The following RANBP17 variants were observed in gnomAD, a reference collection of about 807,000 sequenced individuals.
RANBP17 encodes the protein ran-binding protein 17.
In RANBP17, 158 loss-of-function variants were observed where a neutral mutation model predicts 141.2. The ratio of observed to expected loss-of-function variants is 1.12; its 90% CI spans 0.98 to 1.28. RANBP17 has a LOEUF of 1.28. Among genes scored for constraint, RANBP17 ranks in the 50% most tolerant of loss-of-function variants. The probability of loss-of-function intolerance (pLI) is 0.00; values close to 1 mark genes in which losing one functional copy is unlikely to be tolerated. For synonymous variants in RANBP17, 430 were observed against 450.0 expected, an observed-to-expected ratio of 0.96 and a Z score of 0.56; for missense variants, 1,438 against 1,290.7, an observed-to-expected ratio of 1.11 and a Z score of -1.75.
intron 14 of RANBP17, among the ~76,000 whole-genome samples, chr5:171,068,569 TTTGTTGTTGTTG>T (rs35125398): frequency 2.0e-4 from 30 of 149,042 alleles, no homozygotes; most frequent in Middle Eastern, 3.4e-3. Context: ...TTACTTTCCT[TTTGTTGTTGTTG>T]TTGTTGTTGT....
intron 14 of RANBP17, among the ~76,000 whole-genome samples, chr5:171,135,917 A>G (rs1025859822): frequency 6.6e-6 from 1 of 152,210 alleles, no homozygotes; most frequent in Non-Finnish European, 1.5e-5. Flanking sequence ...GCCTGCAATC[A>G]AAGATTAATT....
chr5:170,981,069 C>T (rs1777734352), intron 14 of RANBP17, among the ~76,000 whole-genome samples: 1 of 150,802 alleles, frequency 6.6e-6, no homozygotes, highest in South Asian at 2.2e-4. Context: ...TTTGACTGCC[C>T]TGCTGGATTT....
chr5:171,292,847 A>C (rs1768576308), intron 25 of RANBP17, among the ~76,000 whole-genome samples: 1 of 152,174 alleles, frequency 6.6e-6, no homozygotes, highest in Non-Finnish European at 1.5e-5. Context: ...ATCTTTCTTA[A>C]ATGCAAATCA....
At chr5:171,253,578 T>C (rs1014363399) in intron 24 of RANBP17, among the ~76,000 whole-genome samples, 5 of 152,198 alleles carry the variant, frequency 3.3e-5, no homozygotes, top group African/African-American at 4.8e-5. Context: ...TAGGGAGCAA[T>C]TGGTCAAAAG....
At chr5:171,029,637 A>G (rs775300687) in intron 14 of RANBP17, among the ~76,000 whole-genome samples, 23 of 152,222 alleles carry the variant, frequency 1.5e-4, no homozygotes, top group Middle Eastern at 3.4e-3. Context: ...TGCCTCAGGC[A>G]AGTGGTCATA....
At chr5:170,939,903 T>C (rs1774193058) in intron 12 of RANBP17, among the ~76,000 whole-genome samples, 1 of 152,096 alleles carries the variant, frequency 6.6e-6, no homozygotes. Context: ...GAGTAGAAAC[T>C]GTATGATTGT....
At chr5:171,003,628 G>C (rs1475395628) in intron 14 of RANBP17, among the ~76,000 whole-genome samples, 1 of 152,160 alleles carries the variant, frequency 6.6e-6, no homozygotes, top group Non-Finnish European at 1.5e-5. Flanking sequence ...GTCCTGTTGA[G>C]AAGATTGAAA....
chr5:171,156,882 T>G (rs576470711), intron 14 of RANBP17, among the ~76,000 whole-genome samples: 1 of 152,258 alleles, frequency 6.6e-6, no homozygotes, highest in Non-Finnish European at 1.5e-5. Context: ...AAAACAGTCT[T>G]TTTTTCTCCG....
At chr5:170,872,509 T>C (rs1009042553) in intron 1 of RANBP17, among the ~76,000 whole-genome samples, 1 of 152,168 alleles carries the variant, frequency 6.6e-6, no homozygotes, top group Non-Finnish European at 1.5e-5. Flanking sequence ...ATTTCTTTCT[T>C]TTGCCAGATT....
At chr5:171,269,761 T>G (rs1766975063) in intron 25 of RANBP17, among the ~76,000 whole-genome samples, 1 of 152,224 alleles carries the variant, frequency 6.6e-6, no homozygotes, top group African/African-American at 2.4e-5. Context: ...ATGAACAAGG[T>G]TGCTGCTTTA....
intron 25 of RANBP17, among the ~76,000 whole-genome samples, chr5:171,277,637 G>GTATGTATATGTGTATATATATA (rs1554127913): frequency 9.3e-4 from 53 of 56,918 alleles, no homozygotes; most frequent in Admixed American, 1.6e-3. Context: ...ATATATGTAT[G>GTATGTATATGTGTATATATATA]TATATATATA....
intron 16 of RANBP17, among the ~76,000 whole-genome samples, chr5:171,179,708 T>C (rs1760758182): frequency 6.6e-6 from 1 of 152,224 alleles, no homozygotes; most frequent in Admixed American, 6.5e-5. Flanking sequence ...ATATATCTTA[T>C]AATTGATGGT....
At chr5:170,965,381 G>A (rs1312536012) in intron 13 of RANBP17, among the ~76,000 whole-genome samples, 1 of 151,844 alleles carries the variant, frequency 6.6e-6, no homozygotes, top group Admixed American at 6.6e-5. Flanking sequence ...TTCTTTTGCT[G>A]TGCAGAAGCT....
chr5:170,965,366 G>A (rs926261610), intron 13 of RANBP17, among the ~76,000 whole-genome samples: 1 of 151,702 alleles, frequency 6.6e-6, no homozygotes, highest in Non-Finnish European at 1.5e-5. Context: ...CACTCTGATG[G>A]TGGTTTCTTT....
At chr5:171,275,834 A>G (rs1767451660) in intron 25 of RANBP17, among the ~76,000 whole-genome samples, 1 of 152,130 alleles carries the variant, frequency 6.6e-6, no homozygotes. Context: ...CACACAAAAT[A>G]ACATGGATGA....
At chr5:171,090,899 G>A (rs116311886) in intron 14 of RANBP17, among the ~76,000 whole-genome samples, 7,013 of 152,282 alleles carry the variant, frequency 0.046, 202 homozygotes, top group East Asian at 0.12. Flanking sequence ...AAAGATGTAC[G>A]GAAACATCTG....
At chr5:170,966,937 A>T (rs889996630) in intron 13 of RANBP17, among the ~76,000 whole-genome samples, 3 of 152,192 alleles carry the variant, frequency 2.0e-5, no homozygotes, top group Non-Finnish European at 4.4e-5. Flanking sequence ...GTGAACTCCC[A>T]TTCACAATTG....
intron 1 of RANBP17, among the ~76,000 whole-genome samples, chr5:170,875,856 T>C (rs1175870927): frequency 6.6e-6 from 1 of 152,236 alleles, no homozygotes; most frequent in Non-Finnish European, 1.5e-5. Context: ...CATTCTTTCA[T>C]TGATTCTTTC....
intron 12 of RANBP17, among the ~76,000 whole-genome samples, chr5:170,932,672 G>A (rs1227817617): frequency 6.6e-6 from 1 of 152,002 alleles, no homozygotes; most frequent in Non-Finnish European, 1.5e-5. Flanking sequence ...ATAATCATGT[G>A]GTTTTTGTCT....
Sources: allele counts gnomAD v4.1 joint callset (sites outside exome capture counted in the v4.1 genomes callset), GRCh38; gene constraint gnomAD v4.1.1; transcripts MANE v1.5; gene names NCBI Gene and HGNC (gene_info 2026-07-23, HGNC 2026-07-21).